Variants in SLC28A3 observed in about 807,000 individuals in gnomAD.
The protein encoded by SLC28A3 is solute carrier family 28 member 3, also known as concentrative Na(+)-nucleoside cotransporter 3.
Under a neutral mutation model 84.2 loss-of-function variants are expected in SLC28A3, and 68 were observed. That is an observed-to-expected ratio of 0.81 (90% confidence interval 0.66 to 0.99). SLC28A3 has a LOEUF of 0.99. Among genes scored for constraint, SLC28A3 ranks in the 50% least tolerant of loss-of-function variants. The pLI is 0.00. For missense variants in SLC28A3, 712 were observed against 841.5 expected, an observed-to-expected ratio of 0.85 and a Z score of 1.90; for synonymous variants, 267 against 303.6, an observed-to-expected ratio of 0.88 and a Z score of 1.25.
At chr9:84,324,649 TAA>T (rs535469828) in intron 1 of SLC28A3, among the ~76,000 whole-genome samples, 5 of 142,138 alleles carry the variant, frequency 3.5e-5, no homozygotes, top group Non-Finnish European at 6.2e-5. Flanking sequence ...GACCCTGTCT[TAA>T]AAAAAAAAAA....
chr9:84,302,907 G>T (rs1263620574), intron 4 of SLC28A3, among the ~76,000 whole-genome samples: 1 of 152,156 alleles, frequency 6.6e-6, no homozygotes, highest in Non-Finnish European at 1.5e-5. Flanking sequence ...TACCAAGCTG[G>T]CTGCTTTTGA....
intron 15 of SLC28A3, 28 bp downstream of exon 15, chr9:84,280,773 G>A (rs1824718770): frequency 1.2e-6 from 2 of 1,608,742 alleles, no homozygotes; most frequent in Non-Finnish European, 1.7e-6. Context: ...GCACATCTGT[G>A]TTGTTGAAGA....
chr9:84,342,026 G>T (rs7867601), upstream of SLC28A3, among the ~76,000 whole-genome samples: 7,938 of 151,408 alleles, frequency 0.052, 416 homozygotes, highest in East Asian at 0.15. Flanking sequence ...CTACTCGGGA[G>T]GCTGAGGCGG....
rs7038371 is a variant in SLC28A3 at position 84,318,726 on chromosome 9, G to A, written c.61-5272C>T. Among the ~76,000 whole-genome samples, 5,081 of 152,054 alleles carry A rather than the reference G, an allele frequency of 0.033. 467 individuals are homozygous for A. In the East Asian group the frequency reaches 0.34, roughly 10 times the overall value. Reference sequence around the variant, plus strand: ...TCTACTAAAAATACAAAAATTAGCCGGGCGTGGTGGCCTGTGCCTGTAATC... The same window carrying A: ...TCTACTAAAAATACAAAAATTAGCCAGGCGTGGTGGCCTGTGCCTGTAATC... On this transcript the variant is annotated intron_variant, in intron 1 of 17. Coordinates refer to ENST00000376238, the MANE Select transcript of SLC28A3 (RefSeq NM_001199633.2).
At chr9:84,307,375 G>A (rs1394185560) in intron 3 of SLC28A3, among the ~76,000 whole-genome samples, 1 of 145,608 alleles carries the variant, frequency 6.9e-6, no homozygotes, top group Non-Finnish European at 1.5e-5. Context: ...AGGTTGCAGT[G>A]AGCCAAAATT....
chr9:84,364,234 C>T, the SLC28A3 span, among the ~76,000 whole-genome samples: 1 of 151,350 alleles, frequency 6.6e-6, no homozygotes, highest in Non-Finnish European at 1.5e-5. Flanking sequence ...AAGCAATTCT[C>T]CTGCCTCAGC....
intron 8 of SLC28A3, among the ~76,000 whole-genome samples, chr9:84,294,532 G>A (rs1208305959): frequency 6.6e-6 from 1 of 152,182 alleles, no homozygotes; most frequent in Non-Finnish European, 1.5e-5. Flanking sequence ...GGGGGGATTT[G>A]TAATACCTAG....
chr9:84,309,732 G>T lies in SLC28A3; in HGVS notation c.157-18C>A. ...TCTTCATCCTGGAAATCAAACATTG[G>T]AGCAGAGATGGAATAATGAGCATCC... On this transcript the variant is annotated intron_variant, in intron 2 of 17. Transcript: ENST00000376238. 6.2e-7 allele frequency: 1 copy of T among 1,609,300 alleles called. No individual in the cohort carries two copies. Among genetic ancestry groups the T allele is most frequent in the Non-Finnish European group, 8.5e-7 (1 of 1,176,452 alleles).
At chr9:84,361,439 A>T in the SLC28A3 span, among the ~76,000 whole-genome samples, 1 of 152,226 alleles carries the variant, frequency 6.6e-6, no homozygotes, top group African/African-American at 2.4e-5. Flanking sequence ...AGGAAACAGG[A>T]TTTCCAACTT....
rs1825923779 is a variant in SLC28A3, at chr9:84,309,677, C to G, written c.194G>C (p.Arg65Thr). ...EQVTVEQDSPRNREHMEDDDE... is the reference protein window; with the variant it reads ...EQVTVEQDSPTNREHMEDDDE... ...ATCATCCTCCATGTGTTCTCTGTTTCTTGGAGAATCCTGCTCAACTGTGAC... is the reference window on the plus strand; with the variant it reads ...ATCATCCTCCATGTGTTCTCTGTTTGTTGGAGAATCCTGCTCAACTGTGAC... The change falls in exon 3 of 18, where the codon AGA becomes ACA. Residue 65 changes from arginine to threonine, a missense_variant. Physicochemically the swap from Arg to Thr is moderately conservative, Grantham distance 71. Transcript: ENST00000376238. The G allele has an allele frequency of 6.2e-7, 1 of 1,613,734 alleles. No individual in the cohort carries two copies. Among genetic ancestry groups the G allele is most frequent in the East Asian group, 2.2e-5 (1 of 44,828 alleles).
At chr9:84,313,318 C>T (rs2118425361) in intron 2 of SLC28A3, 41 bp downstream of exon 2, 1 of 1,566,082 alleles carries the variant, frequency 6.4e-7, no homozygotes, top group South Asian at 1.1e-5. Context: ...TGCGCAGCGG[C>T]TGCCATGGTA....
the SLC28A3 span, among the ~76,000 whole-genome samples, chr9:84,364,300 T>C: frequency 6.6e-6 from 1 of 152,102 alleles, no homozygotes; most frequent in South Asian, 2.1e-4. Context: ...TTTGTATTTT[T>C]TCAGTAGAGA....
Position 84,276,199 on chromosome 9 carries a change from GTAT to G in SLC28A3, c.*2016_*2018del, listed in dbSNP as rs1824520526. 1 of 152,028 alleles carries G rather than the reference GTAT, an allele frequency of 6.6e-6. No individual in the cohort carries two copies. Among genetic ancestry groups the G allele is most frequent in the South Asian group, 2.1e-4 (1 of 4,818 alleles). 9.4% of individuals were successfully genotyped at this position (152,028 alleles called of 1,614,324 possible). A position where few individuals can be genotyped will look rare whatever the true frequency, so the allele number is the denominator to read the frequency against. ...TTTATGAAATCTAAACATGGATTAA[GTAT>G]TATCAGTAAAACTTTAGTGTCTCAA... On this transcript the variant is annotated 3_prime_UTR_variant, in exon 18 of 18. Transcript: ENST00000376238.
intron 8 of SLC28A3, 45 bp downstream of exon 8, chr9:84,297,176 C>G: frequency 6.7e-7 from 1 of 1,503,196 alleles, no homozygotes; most frequent in Non-Finnish European, 9.2e-7. Context: ...AAGACAGAAG[C>G]CGCTGAAATA....
At chr9:84,345,903 G>A in the SLC28A3 span, among the ~76,000 whole-genome samples, 8,233 of 152,216 alleles carry the variant, frequency 0.054, 453 homozygotes, top group East Asian at 0.17. Flanking sequence ...TAACACCTTG[G>A]TAGAAGCTAT....
intron 10 of SLC28A3, among the ~76,000 whole-genome samples, chr9:84,291,583 G>A (rs538227483): frequency 1.6e-4 from 24 of 152,294 alleles, no homozygotes; most frequent in African/African-American, 5.3e-4. Context: ...TGATCTGCCC[G>A]CCTTGGCCTC....
chr9:84,313,320 G>A, intron 2 of SLC28A3, 39 bp downstream of exon 2: 2 of 1,568,316 alleles, frequency 1.3e-6, no homozygotes, highest in South Asian at 2.3e-5. Context: ...CGCAGCGGCT[G>A]CCATGGTACT....
intron 1 of SLC28A3, among the ~76,000 whole-genome samples, chr9:84,326,439 A>G (rs1826550927): frequency 6.6e-6 from 1 of 152,202 alleles, no homozygotes. Flanking sequence ...TCTTGATTCT[A>G]TCCTAACTGA....
At chr9:84,316,006 T>A (rs1564167737) in intron 1 of SLC28A3, among the ~76,000 whole-genome samples, 1 of 152,174 alleles carries the variant, frequency 6.6e-6, no homozygotes, top group Non-Finnish European at 1.5e-5. Context: ...ACACATTTAA[T>A]TTCTCTAGTT....
Sources: gnomAD v4.1 joint callset for allele counts (sites outside exome capture counted in the v4.1 genomes callset) on GRCh38, gnomAD v4.1.1 for gene constraint, MANE v1.5 for transcripts, NCBI Gene and HGNC (gene_info 2026-07-23, HGNC 2026-07-21) for gene names.